The following TTC38 variants were observed in gnomAD, a reference collection of about 807,000 sequenced individuals.
The protein encoded by TTC38 is tetratricopeptide repeat protein 38.
In TTC38, 64 loss-of-function variants were observed where a neutral mutation model predicts 64.2. The ratio of observed to expected loss-of-function variants is 1.00; its 90% CI spans 0.81 to 1.23. The LOEUF is 1.23. Among genes scored for constraint, TTC38 ranks in the 50% most tolerant of loss-of-function variants. The pLI is 0.00. For synonymous variants in TTC38, 254 were observed against 249.3 expected (o/e 1.02, Z -0.18); for missense variants, 573 against 615.5 (o/e 0.93, Z 0.73).
intron 11 of TTC38, 22 bp downstream of exon 11, chr22:46,288,610 G>A (rs1432610585): frequency 6.2e-7 from 1 of 1,610,704 alleles, no homozygotes; most frequent in Admixed American, 1.7e-5. Context: ...GGCCTTCTCG[G>A]GGTGGGGGTC....
rs754048949 is a variant in TTC38, at chr22:46,272,467, CCT to C, written c.193+56_193+57del. 6 of 1,462,286 alleles carry C rather than the reference CCT, an allele frequency of 4.1e-6. No homozygotes were observed. The South Asian group carries it at 5.7e-5, about 14-fold the overall frequency. 90.6% of individuals were successfully genotyped at this position (1,462,286 alleles called of 1,614,324 possible). On this transcript the variant is annotated intron_variant, in intron 3 of 13. Coordinates refer to ENST00000381031, the MANE Select transcript of TTC38 (RefSeq NM_017931.4). This position sits in a 1 kb window ranked among gnomAD's most constrained non-coding sequence, Gnocchi z 6.4. Reference sequence around the variant, plus strand: ...GGAGCCCCGCTTCACACATCCAGCCCCTCTCTTTCCTTTACCACAGGGACACA... The same window carrying C: ...GGAGCCCCGCTTCACACATCCAGCCCCTCTTTCCTTTACCACAGGGACACA...
At chr22:46,290,156 C>T (rs866873994) in intron 13 of TTC38, among the ~76,000 whole-genome samples, 4 of 152,050 alleles carry the variant, frequency 2.6e-5, no homozygotes, top group East Asian at 1.9e-4. Context: ...TACCTGGGTA[C>T]GTAAACACGT....
intron 9 of TTC38, among the ~76,000 whole-genome samples, chr22:46,286,437 G>C (rs2077572055): frequency 6.6e-6 from 1 of 152,166 alleles, no homozygotes; most frequent in African/African-American, 2.4e-5. Context: ...GAGACAGGTA[G>C]ATCACCTGAG....
At position 46,277,289 on chromosome 22, in the gene TTC38, C is replaced by T. The variant is rs533441259; in HGVS notation, c.540-1297C>T. On this transcript the variant is annotated intron_variant, in intron 5 of 13. Coordinates refer to ENST00000381031, the MANE Select transcript of TTC38 (RefSeq NM_017931.4). ...TTCATGTGTGACCACCCTAGATACT[C>T]GGGTGCGCAGTTGCAGATGAGATTG... Among the ~76,000 whole-genome samples, 96 of 152,042 alleles carry T rather than the reference C, an allele frequency of 6.3e-4. 1 individual carries two copies. The Middle Eastern group carries it at 0.017, about 27-fold the overall frequency.
chr22:46,278,793 G>A (rs2077512389), intron 6 of TTC38, 132 bp downstream of exon 6: 2 of 787,736 alleles, frequency 2.5e-6, no homozygotes, highest in Non-Finnish European at 4.4e-6. Flanking sequence ...CAGAGAGACT[G>A]GGGAGCTCAT....
At chr22:46,284,181 C>G (rs1223179136) in intron 8 of TTC38, 149 bp downstream of exon 8, 1 of 659,546 alleles carries the variant, frequency 1.5e-6, no homozygotes, top group South Asian at 1.8e-5. Flanking sequence ...AGGCTTCAAC[C>G]TTTTTAGGGA....
Position 46,276,335 on chromosome 22 carries a change from A to G in TTC38, c.539+914A>G, listed in dbSNP as rs2077486961. Among the ~76,000 whole-genome samples the G allele has an allele frequency of 6.6e-6, 1 of 152,064 alleles. No homozygotes were observed. The highest frequency in any genetic ancestry group is 2.4e-5 in the African/African-American group (1 of 41,392). On this transcript the variant is annotated intron_variant, in intron 5 of 13. Coordinates refer to ENST00000381031, the MANE Select transcript of TTC38 (RefSeq NM_017931.4). This position sits in a 1 kb window ranked among gnomAD's most constrained non-coding sequence, Gnocchi z 4.7. Reference sequence around the variant, plus strand: ...GTCTTTCTCTTAAGGCCTTTAACTGATTGGATGAGGCCCACCCACATGGAG... The same window carrying G: ...GTCTTTCTCTTAAGGCCTTTAACTGGTTGGATGAGGCCCACCCACATGGAG...
intron 6 of TTC38, 62 bp downstream of exon 6, chr22:46,278,723 C>A: frequency 1.5e-6 from 2 of 1,314,788 alleles, no homozygotes; most frequent in South Asian, 1.2e-5. Context: ...TGGACCAGGG[C>A]ATATGAGGGG....
At position 46,285,224 on chromosome 22, in the gene TTC38, G is replaced by C; in HGVS notation, c.796-17G>C. 6.2e-7 allele frequency: 1 copy of C among 1,613,878 alleles called. No homozygotes were observed. Among genetic ancestry groups the C allele is most frequent in the Non-Finnish European group, 8.5e-7 (1 of 1,179,754 alleles). ...TGCCTTCTCCAGGGTTTAATAAGGA[G>C]AACTTTATTCTTCCAGGGCGAATAT... On this transcript the variant is annotated splice_polypyrimidine_tract_variant and intron_variant, in intron 8 of 13. Transcript: ENST00000381031.
At position 46,276,145 on chromosome 22, in the gene TTC38, G is replaced by A. The variant is rs1475867628; in HGVS notation, c.539+724G>A. On this transcript the variant is annotated intron_variant, in intron 5 of 13. Coordinates refer to ENST00000381031, the MANE Select transcript of TTC38 (RefSeq NM_017931.4). The surrounding 1 kb of genome is among the most constrained non-coding windows in gnomAD (Gnocchi z 4.7). ...AGCCCAGAGAGCTCTGAGACAGAGA[G>A]AGAGATGGAGATTTATTTTAAGGAA... Among the ~76,000 whole-genome samples the A allele has an allele frequency of 1.3e-5, 2 of 151,934 alleles. No individual in the cohort carries two copies. Among genetic ancestry groups the A allele is most frequent in the African/African-American group, 4.8e-5 (2 of 41,442 alleles).
intron 9 of TTC38, 130 bp from the exon 10 acceptor site, chr22:46,286,943 G>A (rs968377165): frequency 2.2e-5 from 14 of 651,062 alleles, no homozygotes; most frequent in East Asian, 8.4e-5. Context: ...CAGTTGAGGT[G>A]ATGGGGACAG....
At position 46,272,476 on chromosome 22, in the gene TTC38, C is replaced by T. The variant is rs1936917568; in HGVS notation, c.193+60C>T. ...CTTCACACATCCAGCCCCTCTCTTT[C>T]CTTTACCACAGGGACACAGTTGGGA... On this transcript the variant is annotated intron_variant, in intron 3 of 13. Coordinates refer to ENST00000381031, the MANE Select transcript of TTC38 (RefSeq NM_017931.4). This position sits in a 1 kb window ranked among gnomAD's most constrained non-coding sequence, Gnocchi z 6.4. 1.4e-6 allele frequency: 2 copies of T among 1,428,578 alleles called. No homozygotes were observed. The highest frequency in any genetic ancestry group is 2.0e-6 in the Non-Finnish European group (2 of 1,015,018). 88.5% of individuals were successfully genotyped at this position (1,428,578 alleles called of 1,614,324 possible). A position where few individuals can be genotyped will look rare whatever the true frequency, so the allele number is the denominator to read the frequency against.
rs555251221 is a variant in TTC38, at chr22:46,285,085, C to T, written c.796-156C>T. On this transcript the variant is annotated intron_variant, in intron 8 of 13. Coordinates refer to ENST00000381031, the MANE Select transcript of TTC38 (RefSeq NM_017931.4). ...GAAGCGGGTTCACCTTCTCCCATCC[C>T]GAATGCCACCAAGACACCGTCCGTC... is the stretch of plus-strand genomic sequence containing the variant. Among the ~76,000 whole-genome samples the T allele has an allele frequency of 1.2e-4, 18 of 152,090 alleles. No individual in the cohort carries two copies. The East Asian group carries it at 2.9e-3, about 25-fold the overall frequency.
intron 13 of TTC38, among the ~76,000 whole-genome samples, chr22:46,290,696 G>A (rs775529647): frequency 2.0e-5 from 3 of 151,734 alleles, no homozygotes; most frequent in African/African-American, 4.9e-5. Context: ...GCTGGCAGGC[G>A]AGTGTCAGGA....
chr22:46,290,197 C>T (rs977437080), intron 13 of TTC38, among the ~76,000 whole-genome samples: 2 of 152,312 alleles, frequency 1.3e-5, no homozygotes, highest in Admixed American at 6.5e-5. Flanking sequence ...GGCCTTTGCA[C>T]GCTTGGAACA....
chr22:46,288,282 G>A (rs1021059267), intron 10 of TTC38, 141 bp from the exon 11 acceptor site: 74 of 760,688 alleles, frequency 9.7e-5, no homozygotes, highest in Middle Eastern at 3.7e-4. Flanking sequence ...GACGCTGCCC[G>A]TGGCCCTGCC....
Position 46,273,993 on chromosome 22 carries a change from G to A in TTC38, c.289G>A (p.Val97Met). The change falls in exon 4 of 14, where the codon GTG becomes ATG. Residue 97 changes from valine (V) to methionine (M), a missense_variant. Physicochemically the swap from Val to Met is conservative, Grantham distance 21. This residue lies in a region of TTC38 where 134 missense variants were observed against 126.5 expected (regional missense o/e 1.06). Transcript: ENST00000381031. The surrounding 1 kb of genome is among the most constrained non-coding windows in gnomAD (Gnocchi z 5.1). ...KELDLAVKTM[V>M]EISRTQPLTR... ...GCTGGACCTGGCTGTGAAGACAATG[G>A]TGGAGATTTCAAGAACCCAGCCGCT... 1.2e-6 allele frequency: 2 copies of A among 1,614,236 alleles called. No individual in the cohort carries two copies. The highest frequency in any genetic ancestry group is 1.7e-6 in the Non-Finnish European group (2 of 1,180,046).
At position 46,276,840 on chromosome 22, in the gene TTC38, T is replaced by TATATATATATAA. The variant is rs930283302; in HGVS notation, c.539+1420_539+1421insTATATATATAAA. On this transcript the variant is annotated intron_variant, in intron 5 of 13. Coordinates refer to ENST00000381031, the MANE Select transcript of TTC38 (RefSeq NM_017931.4). This position sits in a 1 kb window ranked among gnomAD's most constrained non-coding sequence, Gnocchi z 4.7. ...TATATATTAAATATATATATATATA[T>TATATATATATAA]AAACATATATATATATAAAAAATAC... 5.1e-5 allele frequency among the ~76,000 whole-genome samples: 7 copies of TATATATATATAA among 137,916 alleles called. No homozygotes were observed. Among genetic ancestry groups the TATATATATATAA allele is most frequent in the African/African-American group, 2.1e-4 (7 of 33,648 alleles). The allele number at this position is 137,916 out of a possible 152,430, so 90.5% of individuals were successfully genotyped here.
intron 6 of TTC38, chr22:46,280,097 A>T (rs952787882): frequency 2.8e-5 from 13 of 470,650 alleles, no homozygotes; most frequent in Non-Finnish European, 4.4e-6. Context: ...CAACACCAGC[A>T]CCCCACAGAC....
Sources: allele counts gnomAD v4.1 joint callset (sites outside exome capture counted in the v4.1 genomes callset), GRCh38; gene constraint gnomAD v4.1.1; regional missense constraint gnomAD v4.1.1; non-coding constraint Gnocchi (gnomAD v3.1); transcripts MANE v1.5; gene names NCBI Gene and HGNC (gene_info 2026-07-23, HGNC 2026-07-21).